Variants in ABCD3 observed in about 807,000 individuals in gnomAD.
The protein encoded by ABCD3 is ATP binding cassette subfamily D member 3.
In ABCD3, 41 loss-of-function variants were observed where a neutral mutation model predicts 105.5. The ratio of observed to expected loss-of-function variants is 0.39; its 90% CI spans 0.30 to 0.50. The LOEUF (loss-of-function observed/expected upper bound fraction) is 0.50. Ranked by LOEUF, ABCD3 falls within the 20% of genes least tolerant of loss-of-function variation. The pLI is 0.84. For missense variants in ABCD3, 622 were observed against 806.3 expected, an observed-to-expected ratio of 0.77 and a Z score of 2.77; for synonymous variants, 258 against 269.0, an observed-to-expected ratio of 0.96 and a Z score of 0.40.
intron 4 of ABCD3, among the ~76,000 whole-genome samples, chr1:94,470,662 A>T (rs757044846): frequency 1.3e-5 from 2 of 152,076 alleles, no homozygotes; most frequent in Non-Finnish European, 2.9e-5. Context: ...CTTGTGTTTA[A>T]AAAGAAATTA....
intron 22 of ABCD3, among the ~76,000 whole-genome samples, chr1:94,515,407 C>A (rs539626712): frequency 2.2e-4 from 34 of 151,928 alleles, no homozygotes; most frequent in Non-Finnish European, 4.0e-4. Context: ...AGTTTTTCTC[C>A]AGTTTTATAA....
At chr1:94,459,465 A>G (rs1369004415) in intron 2 of ABCD3, among the ~76,000 whole-genome samples, 2 of 152,206 alleles carry the variant, frequency 1.3e-5, no homozygotes, top group Non-Finnish European at 2.9e-5. Flanking sequence ...CTTGATATGA[A>G]TACAATATTG....
intron 21 of ABCD3, among the ~76,000 whole-genome samples, chr1:94,510,027 G>A (rs1650582735): frequency 6.6e-6 from 1 of 151,986 alleles, no homozygotes; most frequent in South Asian, 2.1e-4. Flanking sequence ...CTTGCCTTCT[G>A]CTAGCTTTTG....
At chr1:94,492,452 T>C (rs535073961) in intron 16 of ABCD3, among the ~76,000 whole-genome samples, 47 of 152,308 alleles carry the variant, frequency 3.1e-4, no homozygotes, top group Non-Finnish European at 2.4e-4. Flanking sequence ...TTTGAACTTA[T>C]TCAACAATGA....
chr1:94,431,628 A>G (rs1207616349), intron 1 of ABCD3, among the ~76,000 whole-genome samples: 2 of 152,138 alleles, frequency 1.3e-5, no homozygotes, highest in Non-Finnish European at 2.9e-5. Context: ...TGGTGCCATC[A>G]TGGCTCACTG....
intron 3 of ABCD3, among the ~76,000 whole-genome samples, chr1:94,465,359 A>C (rs531027964): frequency 6.6e-6 from 1 of 152,326 alleles, no homozygotes; most frequent in Non-Finnish European, 1.5e-5. Context: ...TGGTTATACT[A>C]TAGGTCAAAT....
intron 1 of ABCD3, among the ~76,000 whole-genome samples, chr1:94,421,141 G>T (rs1192792290): frequency 1.3e-5 from 2 of 151,974 alleles, no homozygotes; most frequent in African/African-American, 2.4e-5. Flanking sequence ...TACAAGGATT[G>T]CCCAATGCAC....
chr1:94,466,070 A>G (rs1418659784), intron 3 of ABCD3, among the ~76,000 whole-genome samples: 2 of 152,208 alleles, frequency 1.3e-5, no homozygotes, highest in African/African-American at 2.4e-5. Context: ...TTTTTTTAAA[A>G]AAAGTAATGA....
intron 10 of ABCD3, among the ~76,000 whole-genome samples, chr1:94,486,048 C>T (rs1186060020): frequency 6.6e-6 from 1 of 151,918 alleles, no homozygotes; most frequent in Admixed American, 6.6e-5. Context: ...AAAAATTAGC[C>T]GGTTGTTGTG....
intron 1 of ABCD3, among the ~76,000 whole-genome samples, chr1:94,433,659 T>C (rs1158752404): frequency 2.7e-5 from 4 of 150,854 alleles, no homozygotes; most frequent in Admixed American, 1.3e-4. Context: ...AAACATGTCT[T>C]TTTTTTAGAC....
At chr1:94,407,865 C>T in the ABCD3 span, among the ~76,000 whole-genome samples, 1 of 152,206 alleles carries the variant, frequency 6.6e-6, no homozygotes, top group Non-Finnish European at 1.5e-5. Context: ...AATAATATTT[C>T]TTGACATTTG....
chr1:94,480,283 A>C, intron 8 of ABCD3, 181 bp from the exon 9 acceptor site: 1 of 653,238 alleles, frequency 1.5e-6, no homozygotes, highest in Non-Finnish European at 2.6e-6. Context: ...GCCCATGAGT[A>C]GTAAAAGTGT....
chr1:94,397,576 A>C, the ABCD3 span, among the ~76,000 whole-genome samples: 1 of 152,160 alleles, frequency 6.6e-6, no homozygotes. Context: ...TCATTGCATC[A>C]TGTCAAGGAC....
the ABCD3 span, among the ~76,000 whole-genome samples, chr1:94,402,127 T>A: frequency 6.6e-6 from 1 of 152,364 alleles, no homozygotes; most frequent in South Asian, 2.1e-4. Flanking sequence ...TTTCAGCAGT[T>A]CTTCCTTTTT....
At chr1:94,472,208 A>G (rs1648489244) in intron 4 of ABCD3, 1 of 981,614 alleles carries the variant, frequency 1.0e-6, no homozygotes, top group East Asian at 1.1e-4. Context: ...TTATTCAAGA[A>G]ACCATTTTTT....
the ABCD3 span, among the ~76,000 whole-genome samples, chr1:94,394,564 A>AATT: frequency 6.6e-6 from 1 of 152,184 alleles, no homozygotes; most frequent in Non-Finnish European, 1.5e-5. Context: ...AAATGGGAAA[A>AATT]TGTAGCCATT....
chr1:94,466,736 A>T (rs1648156236), intron 3 of ABCD3, among the ~76,000 whole-genome samples: 1 of 152,200 alleles, frequency 6.6e-6, no homozygotes, highest in African/African-American at 2.4e-5. Flanking sequence ...AAAGATGCAT[A>T]TGTTACCTTC....
chr1:94,406,167 T>TA, the ABCD3 span, among the ~76,000 whole-genome samples: 2,779 of 146,142 alleles, frequency 0.019, 37 homozygotes, highest in African/African-American at 0.034. Context: ...CACCATTTAT[T>TA]AAAAAAAAAA....
chr1:94,498,809 A>G lies in ABCD3; in HGVS notation c.1491A>G (p.Leu497=). ...GELWPLFGGR[L]TKPERGKLFY... ...TATGGCCTCTTTTTGGAGGACGTCT[A>G]ACTAAACCTGAAAGAGGAAAATTAT... The change falls in exon 18 of 23, where the codon CTA becomes CTG. Residue 497 remains leucine, a synonymous_variant. Transcript: ENST00000370214. The G allele has an allele frequency of 3.1e-6, 5 of 1,613,894 alleles. No individual in the cohort carries two copies. Among genetic ancestry groups the G allele is most frequent in the Non-Finnish European group, 4.2e-6 (5 of 1,179,878 alleles).
Sources: allele counts gnomAD v4.1 joint callset (sites outside exome capture counted in the v4.1 genomes callset), GRCh38; gene constraint gnomAD v4.1.1; transcripts MANE v1.5; gene names NCBI Gene and HGNC (gene_info 2026-07-23, HGNC 2026-07-21).